Variants in SLIT3 observed in about 807,000 individuals in gnomAD.
SLIT3 encodes the protein slit guidance ligand 3, also known as slit homolog 3 protein.
Under a neutral mutation model 184.0 loss-of-function variants are expected in SLIT3, and 68 were observed. The observed-to-expected ratio is 0.37, with a 90% CI of 0.30 to 0.45. The LOEUF (loss-of-function observed/expected upper bound fraction) is 0.45. Ranked by LOEUF, SLIT3 falls within the 20% of genes least tolerant of loss-of-function variation. SLIT3 has a pLI of 1.00. For synonymous variants in SLIT3, 831 were observed against 828.6 expected (o/e 1.00, Z -0.05); for missense variants, 1,707 against 2,026.0 (o/e 0.84, Z 3.02).
intron 4 of SLIT3, among the ~76,000 whole-genome samples, chr5:169,055,118 AG>A (rs1277442038): frequency 6.6e-6 from 1 of 152,022 alleles, no homozygotes; most frequent in Non-Finnish European, 1.5e-5. Flanking sequence ...CAACTGGTAA[AG>A]GAGACCATCA....
At chr5:168,749,976 C>T (rs1754643458) in intron 18 of SLIT3, among the ~76,000 whole-genome samples, 1 of 152,170 alleles carries the variant, frequency 6.6e-6, no homozygotes, top group African/African-American at 2.4e-5. Context: ...GGCTTCTTCT[C>T]ATTCTTTAGT....
At chr5:168,827,755 G>A (rs182496385) in intron 6 of SLIT3, among the ~76,000 whole-genome samples, 89 of 152,282 alleles carry the variant, frequency 5.8e-4, no homozygotes, top group African/African-American at 1.8e-3. Flanking sequence ...CTCCCCAGGC[G>A]GGATGAATAC....
At chr5:169,216,974 C>T (rs1420932669) in intron 3 of SLIT3, among the ~76,000 whole-genome samples, 3 of 152,106 alleles carry the variant, frequency 2.0e-5, no homozygotes, top group Non-Finnish European at 4.4e-5. Flanking sequence ...ATGTGAGCCA[C>T]TGATACCTGG....
rs566611717 is a variant in SLIT3 at position 168,666,822 on chromosome 5, T to C, written c.4337-133A>G. ...GAATTTATTCACTCATCCATCTGCCTACCCTCCCCTCCATCCACCCATCTA... is the reference window on the plus strand; with the variant it reads ...GAATTTATTCACTCATCCATCTGCCCACCCTCCCCTCCATCCACCCATCTA... On this transcript the variant is annotated intron_variant, in intron 35 of 35. Coordinates refer to ENST00000519560, the MANE Select transcript of SLIT3 (RefSeq NM_003062.4). 6.3e-5 allele frequency: 88 copies of C among 1,406,200 alleles called. No individual in the cohort carries two copies. The East Asian group carries it at 2.1e-3, about 34-fold the overall frequency. The allele number at this position is 1,406,200 out of a possible 1,614,324, so 87.1% of individuals were successfully genotyped here. A position where few individuals can be genotyped will look rare whatever the true frequency, so the allele number is the denominator to read the frequency against.
chr5:169,198,986 A>G lies in SLIT3; in HGVS notation c.342-5436T>C, dbSNP rs1363210944. Reference sequence around the variant, plus strand: ...CACACACACACACACATATGTGTGTATATTTATATATATATATATAAATAC... The same window carrying G: ...CACACACACACACACATATGTGTGTGTATTTATATATATATATATAAATAC... On this transcript the variant is annotated intron_variant, in intron 3 of 35. Transcript: ENST00000519560. Among the ~76,000 whole-genome samples the G allele has an allele frequency of 5.1e-5, 7 of 138,570 alleles. No homozygotes were observed. In the East Asian group the frequency reaches 9.6e-4, roughly 19 times the overall value. The allele number at this position is 138,570 out of a possible 152,430, so 90.9% of individuals were successfully genotyped here.
chr5:169,052,240 TTTTC>T (rs1757843759), intron 4 of SLIT3, among the ~76,000 whole-genome samples: 2 of 152,180 alleles, frequency 1.3e-5, no homozygotes, highest in South Asian at 2.1e-4. Context: ...CTTGTGATTT[TTTTC>T]TTTCTTTTCC....
intron 30 of SLIT3, 67 bp downstream of exon 30, chr5:168,686,912 C>T (rs1761759876): frequency 1.3e-6 from 2 of 1,581,096 alleles, no homozygotes; most frequent in Admixed American, 1.7e-5. Context: ...GCCACCTTAG[C>T]CAGTCAGCCC....
intron 4 of SLIT3, among the ~76,000 whole-genome samples, chr5:168,998,891 ATCTG>A (rs1255158279): frequency 2.9e-5 from 4 of 139,448 alleles, no homozygotes; most frequent in African/African-American, 8.7e-5. Flanking sequence ...GGACCCAGAA[ATCTG>A]TGTGTGTGTG....
intron 4 of SLIT3, among the ~76,000 whole-genome samples, chr5:169,099,224 G>A (rs559437957): frequency 1.2e-4 from 18 of 152,084 alleles, no homozygotes; most frequent in South Asian, 6.2e-4. Context: ...CTCAGGTTAC[G>A]GTTTGTGTTG....
chr5:168,851,322 C>CA (rs531233116), intron 5 of SLIT3, among the ~76,000 whole-genome samples: 3,203 of 77,062 alleles, frequency 0.042, 172 homozygotes, highest in African/African-American at 0.13. Context: ...GACTCCGTCT[C>CA]AAAAAAAAAA....
intron 25 of SLIT3, chr5:168,708,487 A>T (rs1042466243): frequency 3.6e-6 from 1 of 278,860 alleles, no homozygotes; most frequent in African/African-American, 2.2e-5. Flanking sequence ...CTACCCACAA[A>T]CACCCCTCCC....
intron 4 of SLIT3, among the ~76,000 whole-genome samples, chr5:169,158,254 G>C (rs1387494374): frequency 6.6e-6 from 1 of 152,086 alleles, no homozygotes; most frequent in Admixed American, 6.5e-5. Flanking sequence ...ACCTACAGGG[G>C]AAAAAGAATT....
chr5:169,226,060 G>A (rs891840621), intron 3 of SLIT3, among the ~76,000 whole-genome samples: 5 of 152,108 alleles, frequency 3.3e-5, no homozygotes, highest in African/African-American at 7.2e-5. Context: ...AAGGCCAACC[G>A]TAGAAGGCAG....
intron 29 of SLIT3, among the ~76,000 whole-genome samples, chr5:168,691,383 G>T (rs1227747518): frequency 6.6e-6 from 1 of 152,198 alleles, no homozygotes; most frequent in African/African-American, 2.4e-5. Context: ...GAAGTCCTAA[G>T]TCTTGTTGTT....
At chr5:168,815,315 A>C (rs575760556) in intron 8 of SLIT3, among the ~76,000 whole-genome samples, 1 of 152,310 alleles carries the variant, frequency 6.6e-6, no homozygotes, top group South Asian at 2.1e-4. Context: ...CTGCTGGGTG[A>C]GCAATGTCTT....
Position 169,183,356 on chromosome 5 carries a change from G to A in SLIT3, c.413+10123C>T, listed in dbSNP as rs144311194. On this transcript the variant is annotated intron_variant, in intron 4 of 35. Coordinates refer to ENST00000519560, the MANE Select transcript of SLIT3 (RefSeq NM_003062.4). ...TTCAGCTGTATGTGCGAGGAGGTGA[G>A]CTTGTCTTGCCATCAGCTGTTCAAT... Among the ~76,000 whole-genome samples, 62 of 152,292 alleles carry A rather than the reference G, an allele frequency of 4.1e-4. 1 individual carries two copies. The East Asian group carries it at 0.012, about 29-fold the overall frequency.
At chr5:168,686,875 G>A in intron 30 of SLIT3, 104 bp downstream of exon 30, 1 of 1,413,982 alleles carries the variant, frequency 7.1e-7, no homozygotes, top group Non-Finnish European at 9.8e-7. Flanking sequence ...CGGGGCTACA[G>A]CCACCTGGGC....
chr5:168,961,327 G>C (rs1400812250), intron 4 of SLIT3, among the ~76,000 whole-genome samples: 2 of 152,164 alleles, frequency 1.3e-5, no homozygotes, highest in African/African-American at 4.8e-5. Flanking sequence ...ACCAGACATG[G>C]TCTGAGTGCA....
intron 28 of SLIT3, among the ~76,000 whole-genome samples, chr5:168,693,000 G>T (rs1296868694): frequency 6.6e-6 from 1 of 152,204 alleles, no homozygotes; most frequent in Non-Finnish European, 1.5e-5. Flanking sequence ...GTGCAGCTGA[G>T]AGCACAGGAT....
Sources: gnomAD v4.1 joint callset for allele counts (sites outside exome capture counted in the v4.1 genomes callset) on GRCh38, gnomAD v4.1.1 for gene constraint, MANE v1.5 for transcripts, NCBI Gene and HGNC (gene_info 2026-07-23, HGNC 2026-07-21) for gene names.